SAMHD1: variants seen among roughly 807,000 people sequenced by gnomAD.
The protein encoded by SAMHD1 is deoxynucleoside triphosphate triphosphohydrolase SAMHD1.
In SAMHD1, 54 loss-of-function variants were observed where a neutral mutation model predicts 79.6. The observed-to-expected ratio is 0.68, with a 90% CI of 0.55 to 0.85. The LOEUF (loss-of-function observed/expected upper bound fraction) is 0.85. SAMHD1 is among the 40% of genes least tolerant of loss of function. The pLI is 0.00. For synonymous variants in SAMHD1, 260 were observed against 264.1 expected, an observed-to-expected ratio of 0.98 and a Z score of 0.15; for missense variants, 663 against 782.7, an observed-to-expected ratio of 0.85 and a Z score of 1.82.
At chr20:36,925,492 T>G (rs1472366290) in intron 6 of SAMHD1, among the ~76,000 whole-genome samples, 3 of 152,236 alleles carry the variant, frequency 2.0e-5, no homozygotes, top group East Asian at 3.8e-4. Flanking sequence ...TTTACTGGCT[T>G]GCAGAACCAG....
intron 11 of SAMHD1, among the ~76,000 whole-genome samples, chr20:36,909,488 G>A (rs1266114828): frequency 1.3e-5 from 2 of 151,722 alleles, no homozygotes; most frequent in African/African-American, 4.8e-5. Context: ...GGCTGACATG[G>A]TGAAACCCCG....
chr20:36,942,951 T>C (rs1202046141), intron 2 of SAMHD1, among the ~76,000 whole-genome samples: 7 of 152,118 alleles, frequency 4.6e-5, no homozygotes, highest in African/African-American at 1.2e-4. Flanking sequence ...CCACCACGCC[T>C]GGCCTGTTTC....
rs73286556 is a variant in SAMHD1 at position 36,935,221 on chromosome 20, C to T, written c.349-32G>A. The T allele has an allele frequency of 0.013, 20,412 of 1,573,008 alleles. 2,254 individuals are homozygous for T. The African/African-American group carries it at 0.24, about 19-fold the overall frequency. On this transcript the variant is annotated intron_variant, in intron 3 of 15. Coordinates refer to ENST00000646673, the MANE Select transcript of SAMHD1 (RefSeq NM_015474.4). ...AATTATGTTTAATTAATACAAATAA[C>T]GACATGTAAGTCCAACTGAAATTTG...
chr20:36,936,584 G>C (rs561229343), intron 3 of SAMHD1, among the ~76,000 whole-genome samples: 44 of 152,112 alleles, frequency 2.9e-4, no homozygotes, highest in African/African-American at 1.1e-3. Context: ...GGAATTACAG[G>C]CATGAGCCAC....
chr20:36,932,016 A>G (rs1023184458), intron 4 of SAMHD1, among the ~76,000 whole-genome samples: 5 of 151,966 alleles, frequency 3.3e-5, no homozygotes, highest in African/African-American at 1.2e-4. Flanking sequence ...GCGGTGGCTT[A>G]TGCCTGTAAT....
chr20:36,941,399 C>T (rs2063643515), intron 2 of SAMHD1, among the ~76,000 whole-genome samples: 1 of 152,178 alleles, frequency 6.6e-6, no homozygotes, highest in Non-Finnish European at 1.5e-5. Context: ...TCCATGTCTA[C>T]TCAATGCTCA....
chr20:36,911,403 G>GC, intron 10 of SAMHD1, 70 bp from the exon 11 acceptor site: 3 of 940,522 alleles, frequency 3.2e-6, no homozygotes, highest in Non-Finnish European at 3.5e-6. Context: ...CTTACTTAAG[G>GC]AAATCTTTCT....
chr20:36,935,530 T>A, intron 3 of SAMHD1: 1 of 335,318 alleles, frequency 3.0e-6, no homozygotes, highest in South Asian at 2.6e-5. Flanking sequence ...AACACATTCA[T>A]CCACATCATG....
In SAMHD1 at chr20:36,892,038, A is replaced by G. The variant is rs1318956690; in HGVS notation, c.*894T>C. The G allele has an allele frequency of 2.0e-5, 3 of 152,306 alleles. No individual in the cohort carries two copies. The highest frequency in any genetic ancestry group is 2.9e-5 in the Non-Finnish European group (2 of 68,170). The allele number at this position is 152,306 out of a possible 1,614,324, so 9.4% of individuals were successfully genotyped here. ...GGCCCTCTGGACCGGGGGAGTGAGT[A>G]TTCAGGGGACAAAGGCACTACCCGG... On this transcript the variant is annotated 3_prime_UTR_variant, in exon 16 of 16. Coordinates refer to ENST00000646673, the MANE Select transcript of SAMHD1 (RefSeq NM_015474.4).
Position 36,914,499 on chromosome 20 carries a change from C to T in SAMHD1, c.1063-1947G>A, listed in dbSNP as rs191782269. ...CCAAGTAGCTGGGATTACAGGCACT[C>T]GCCACTGCGCCCAGCTAATTTTTGT... On this transcript the variant is annotated intron_variant, in intron 9 of 15. Transcript: ENST00000646673. Among the ~76,000 whole-genome samples, 106 of 151,918 alleles carry T rather than the reference C, an allele frequency of 7.0e-4. No homozygotes were observed. The East Asian group carries it at 9.0e-3, about 13-fold the overall frequency.
At chr20:36,927,366 G>A in intron 5 of SAMHD1, 114 bp from the exon 6 acceptor site, 1 of 816,058 alleles carries the variant, frequency 1.2e-6, no homozygotes, top group Non-Finnish European at 2.0e-6. Context: ...TGCCCAGGCT[G>A]GAGTGTAGTG....
At position 36,893,002 on chromosome 20, in the gene SAMHD1, A is replaced by G; in HGVS notation, c.1811T>C (p.Val604Ala). The G allele has an allele frequency of 6.2e-7, 1 of 1,614,066 alleles. No individual in the cohort carries two copies. The highest frequency in any genetic ancestry group is 8.5e-7 in the Non-Finnish European group (1 of 1,180,020). The stretch of plus-strand genomic sequence containing the variant: ...TTCTCGGAGGCGAGTTGGATTTTGG[A>G]CTGAAGTACTGTCGTTCCATTCCTT... ...QKKEWNDSTS[V>A]QNPTRLREAS... is the part of the protein sequence containing the mutation. The change falls in exon 16 of 16, where the codon GTC becomes GCC. Residue 604 changes from valine (V) to alanine (A), a missense_variant. Val to Ala is a moderately conservative substitution (Grantham distance 64, BLOSUM62 0). Transcript: ENST00000646673.
chr20:36,946,990 C>A, intron 1 of SAMHD1, 186 bp from the exon 2 acceptor site: 1 of 453,836 alleles, frequency 2.2e-6, no homozygotes, highest in South Asian at 3.2e-5. Context: ...ATAACTAAAC[C>A]AAGAAGCATT....
intron 6 of SAMHD1, among the ~76,000 whole-genome samples, chr20:36,921,267 C>T (rs1160437181): frequency 6.6e-6 from 1 of 151,414 alleles, no homozygotes; most frequent in Non-Finnish European, 1.5e-5. Context: ...GTGGCATGCA[C>T]CTGTAGTCCC....
Position 36,907,519 on chromosome 20 carries a change from C to T in SAMHD1, c.1271-2016G>A, listed in dbSNP as rs1244772379. Among the ~76,000 whole-genome samples, 6 of 151,542 alleles carry T rather than the reference C, an allele frequency of 4.0e-5. No homozygotes were observed. In the Admixed American group the frequency reaches 4.0e-4, roughly 10 times the overall value. Reference sequence around the variant, plus strand: ...CAGCTGGGACTAAAGGCACATGCCGCCACACCTGGATAAAGATGACTTTTT... The same window carrying T: ...CAGCTGGGACTAAAGGCACATGCCGTCACACCTGGATAAAGATGACTTTTT... On this transcript the variant is annotated intron_variant, in intron 11 of 15. Coordinates refer to ENST00000646673, the MANE Select transcript of SAMHD1 (RefSeq NM_015474.4).
At chr20:36,943,215 G>A (rs1425278726) in intron 2 of SAMHD1, among the ~76,000 whole-genome samples, 4 of 152,178 alleles carry the variant, frequency 2.6e-5, no homozygotes, top group African/African-American at 9.7e-5. Context: ...GCAACTGGAT[G>A]GAGTGGTGGG....
rs1307664254 is a variant in SAMHD1, at chr20:36,951,619, G to A, written c.25C>T (p.Pro9Ser). The A allele has an allele frequency of 1.2e-6, 2 of 1,613,878 alleles. No homozygotes were observed. The highest frequency in any genetic ancestry group is 1.7e-6 in the Non-Finnish European group (2 of 1,179,992). The change falls in exon 1 of 16, where the codon CCC (proline) becomes TCC (serine). Residue 9 changes from proline to serine, a missense_variant. Pro to Ser is a moderately conservative substitution (Grantham distance 74). Transcript: ENST00000646673. MQRADSEQ[P>S]SKRPRCDDSP... ...TCATCGCAACGGGGACGCTTGGAGG[G>A]CTGCTCGGAATCGGCTCGCTGCATG...
intron 6 of SAMHD1, among the ~76,000 whole-genome samples, chr20:36,923,290 C>T (rs1224492191): frequency 6.6e-5 from 10 of 152,182 alleles, no homozygotes; most frequent in Admixed American, 2.0e-4. Flanking sequence ...CGAGCCACCA[C>T]GCCTGGCCAA....
intron 3 of SAMHD1, 33 bp from the exon 4 acceptor site, chr20:36,935,222 G>A (rs1171347899): frequency 7.1e-6 from 11 of 1,558,352 alleles, no homozygotes; most frequent in South Asian, 1.1e-5. Flanking sequence ...TACAAATAAC[G>A]ACATGTAAGT....
Sources: gnomAD v4.1 joint callset for allele counts (sites outside exome capture counted in the v4.1 genomes callset) on GRCh38, gnomAD v4.1.1 for gene constraint, MANE v1.5 for transcripts, NCBI Gene and HGNC (gene_info 2026-07-23, HGNC 2026-07-21) for gene names.